The following CSMD1 variants were observed in gnomAD, a reference collection of about 807,000 sequenced individuals.
CSMD1 encodes CUB and sushi domain-containing protein 1.
A neutral mutation model predicts 417.5 loss-of-function variants in CSMD1; 213 were observed. That is an observed-to-expected ratio of 0.51 (90% CI 0.46 to 0.57). The LOEUF (loss-of-function observed/expected upper bound fraction) is 0.57, where lower values mean the gene tolerates loss of function less well. CSMD1 is among the 20% of genes least tolerant of loss of function. The pLI is 0.00. For missense variants in CSMD1, 6,923 were observed against 4,529.7 expected (o/e 1.53, Z -15.17); for synonymous variants, 2,862 against 1,736.8 (o/e 1.65, Z -16.11).
intron 5 of CSMD1, among the ~76,000 whole-genome samples, chr8:3,880,243 T>G (rs562398258): frequency 6.6e-6 from 1 of 152,202 alleles, no homozygotes. Context: ...ATGAATCACC[T>G]TCTCTTAACA....
rs76794217 is a variant in CSMD1 at position 3,865,129 on chromosome 8, T to C, written c.819-111087A>G. Among the ~76,000 whole-genome samples, 1,002 of 152,294 alleles carry C rather than the reference T, an allele frequency of 6.6e-3. 8 individuals are homozygous for C. Among genetic ancestry groups the C allele is most frequent in the African/African-American group, 0.023 (949 of 41,558 alleles). ...TATTCTGGCCTCACTTTCTCATCAT[T>C]TGTTCTGTGTGTGTTCCAGCTCAGG... On this transcript the variant is annotated intron_variant, in intron 5 of 69. Transcript: ENST00000635120.
intron 1 of CSMD1, among the ~76,000 whole-genome samples, chr8:4,775,740 G>C (rs913255140): frequency 2.0e-5 from 3 of 152,200 alleles, no homozygotes; most frequent in Admixed American, 6.5e-5. Context: ...TCCAGAATGT[G>C]TCCTGCCATC....
chr8:4,230,819 T>G (rs931459547), intron 3 of CSMD1, among the ~76,000 whole-genome samples: 8 of 152,202 alleles, frequency 5.3e-5, no homozygotes, highest in Non-Finnish European at 1.0e-4. Context: ...GCTTTTGCAG[T>G]GTCACAATGT....
chr8:4,348,799 CCATT>C (rs1800924256), intron 3 of CSMD1, among the ~76,000 whole-genome samples: 1 of 152,078 alleles, frequency 6.6e-6, no homozygotes, highest in Non-Finnish European at 1.5e-5. Context: ...ATCCCTTAAC[CCATT>C]TATTCTTCCA....
At chr8:3,938,280 G>GA (rs959878604) in intron 5 of CSMD1, among the ~76,000 whole-genome samples, 69 of 152,194 alleles carry the variant, frequency 4.5e-4, no homozygotes, top group African/African-American at 1.6e-3. Flanking sequence ...GAGCACAAGG[G>GA]AAAAAACTGC....
intron 1 of CSMD1, among the ~76,000 whole-genome samples, chr8:4,832,939 C>T (rs551490573): frequency 1.7e-4 from 26 of 152,136 alleles, no homozygotes; most frequent in Non-Finnish European, 3.5e-4. Flanking sequence ...ATTCTAAAAG[C>T]TCTTGTCTGA....
At chr8:4,190,648 G>C (rs1408537171) in intron 3 of CSMD1, among the ~76,000 whole-genome samples, 2 of 151,778 alleles carry the variant, frequency 1.3e-5, no homozygotes, top group Non-Finnish European at 2.9e-5. Context: ...GTGTTGTAAT[G>C]AGACTGAAAT....
chr8:4,007,493 C>A (rs1055852561), intron 4 of CSMD1, among the ~76,000 whole-genome samples: 11 of 152,244 alleles, frequency 7.2e-5, no homozygotes, highest in Admixed American at 6.5e-4. Flanking sequence ...TTCCTGCCCG[C>A]CCTCTCTGGC....
At chr8:4,003,739 T>C (rs980813181) in intron 4 of CSMD1, among the ~76,000 whole-genome samples, 15 of 152,108 alleles carry the variant, frequency 9.9e-5, no homozygotes, top group African/African-American at 3.6e-4. Flanking sequence ...CACAGGCGAG[T>C]GACACTGAGA....
intron 25 of CSMD1, among the ~76,000 whole-genome samples, chr8:3,287,653 G>A (rs927727070): frequency 6.6e-6 from 1 of 152,144 alleles, no homozygotes; most frequent in Non-Finnish European, 1.5e-5. Flanking sequence ...CATTGATTTT[G>A]TATCCTGAGA....
chr8:4,653,077 G>T (rs1318208287), intron 1 of CSMD1, among the ~76,000 whole-genome samples: 2 of 152,020 alleles, frequency 1.3e-5, no homozygotes, highest in African/African-American at 2.4e-5. Context: ...CGCTCTAGAG[G>T]ATGTGTTTAT....
chr8:3,247,392 G>C (rs1799951268), intron 26 of CSMD1, among the ~76,000 whole-genome samples: 1 of 152,088 alleles, frequency 6.6e-6, no homozygotes, highest in African/African-American at 2.4e-5. Context: ...CCATGACATT[G>C]TGACCCCTCT....
chr8:3,613,730 CA>C (rs1418496498), intron 8 of CSMD1, among the ~76,000 whole-genome samples: 4 of 136,644 alleles, frequency 2.9e-5, no homozygotes, highest in African/African-American at 5.7e-5. Flanking sequence ...CACACACACA[CA>C]CACACACCTC....
intron 23 of CSMD1, among the ~76,000 whole-genome samples, chr8:3,311,452 G>C (rs531857838): frequency 1.3e-5 from 2 of 148,642 alleles, no homozygotes; most frequent in Non-Finnish European, 2.9e-5. Context: ...GTTTCACCAC[G>C]TTGTCTAGGC....
chr8:3,983,135 C>CTTTTTT (rs201667296), intron 5 of CSMD1, among the ~76,000 whole-genome samples: 7 of 133,514 alleles, frequency 5.2e-5, no homozygotes, highest in Non-Finnish European at 1.1e-4. Context: ...ATCTTTCTTT[C>CTTTTTT]TTTTTTTTTT....
chr8:4,315,265 T>C (rs1173791157), intron 3 of CSMD1, among the ~76,000 whole-genome samples: 2 of 152,068 alleles, frequency 1.3e-5, no homozygotes, highest in East Asian at 3.9e-4. Context: ...GAGGTAGGGT[T>C]TATGAAAACT....
At chr8:3,647,033 C>G (rs1585013711) in intron 7 of CSMD1, among the ~76,000 whole-genome samples, 1 of 152,182 alleles carries the variant, frequency 6.6e-6, no homozygotes, top group Non-Finnish European at 1.5e-5. Flanking sequence ...CCTGCCACTT[C>G]TGGTGCTTCT....
chr8:4,779,245 G>A (rs1411201186), intron 1 of CSMD1, among the ~76,000 whole-genome samples: 1 of 152,106 alleles, frequency 6.6e-6, no homozygotes, highest in East Asian at 1.9e-4. Flanking sequence ...GCCTCCTGTA[G>A]AAATTGACAT....
chr8:4,447,777 A>C, intron 2 of CSMD1, among the ~76,000 whole-genome samples: 1 of 152,348 alleles, frequency 6.6e-6, no homozygotes, highest in South Asian at 2.1e-4. Flanking sequence ...ATCAAGTGTT[A>C]TAAAAGGAGA....
Sources: allele counts gnomAD v4.1 joint callset (sites outside exome capture counted in the v4.1 genomes callset), GRCh38; gene constraint gnomAD v4.1.1; transcripts MANE v1.5; gene names NCBI Gene and HGNC (gene_info 2026-07-23, HGNC 2026-07-21).